ASIP: variants seen among roughly 807,000 people sequenced by gnomAD.
ASIP encodes agouti signaling protein.
In ASIP, 11 loss-of-function variants were observed where a neutral mutation model predicts 10.3. The observed-to-expected ratio is 1.07, with a 90% CI of 0.68 to 1.78. ASIP has a LOEUF of 1.78. Among genes scored for constraint, ASIP ranks in the 40% most tolerant of loss-of-function variants. ASIP has a pLI of 0.00. For synonymous variants in ASIP, 70 were observed against 70.8 expected, an observed-to-expected ratio of 0.99 and a Z score of 0.06; for missense variants, 180 against 169.2, an observed-to-expected ratio of 1.06 and a Z score of -0.35.
intron 1 of ASIP, among the ~76,000 whole-genome samples, chr20:34,209,122 C>T (rs1286901601): frequency 6.6e-6 from 1 of 152,216 alleles, no homozygotes; most frequent in Non-Finnish European, 1.5e-5. Flanking sequence ...TATAGTTGCT[C>T]TGGCTAGGAC....
intron 1 of ASIP, among the ~76,000 whole-genome samples, chr20:34,258,791 T>TA (rs2035634405): frequency 1.8e-5 from 2 of 112,784 alleles, no homozygotes; most frequent in Non-Finnish European, 3.5e-5. Flanking sequence ...ATATATATAG[T>TA]GTATATATAA....
At chr20:34,251,785 A>G (rs2035481048) in intron 1 of ASIP, among the ~76,000 whole-genome samples, 1 of 152,168 alleles carries the variant, frequency 6.6e-6, no homozygotes, top group South Asian at 2.1e-4. Context: ...TAGTGCCTTT[A>G]CAAAAGAGGC....
chr20:34,248,546 T>C (rs887092810), intron 1 of ASIP, among the ~76,000 whole-genome samples: 1 of 152,182 alleles, frequency 6.6e-6, no homozygotes, highest in African/African-American at 2.4e-5. Context: ...CTCACGCTTG[T>C]AATTCCAGCA....
chr20:34,217,437 C>CA (rs1474876033), intron 1 of ASIP, among the ~76,000 whole-genome samples: 1 of 150,478 alleles, frequency 6.6e-6, no homozygotes, highest in Non-Finnish European at 1.5e-5. Context: ...GACTCCAACT[C>CA]AAAAAAAGAA....
At chr20:34,255,097 T>C (rs955813496) in intron 1 of ASIP, among the ~76,000 whole-genome samples, 2 of 152,198 alleles carry the variant, frequency 1.3e-5, no homozygotes, top group Admixed American at 6.5e-5. Context: ...GCTGCTCTGA[T>C]GGTGAACTGA....
intron 1 of ASIP, among the ~76,000 whole-genome samples, chr20:34,257,352 TGGGATTATA>T (rs1568767991): frequency 6.6e-6 from 1 of 152,178 alleles, no homozygotes; most frequent in Non-Finnish European, 1.5e-5. Flanking sequence ...CCCAAAGTGC[TGGGATTATA>T]GGCGTGAGCC....
intron 1 of ASIP, among the ~76,000 whole-genome samples, chr20:34,245,126 G>A (rs565192851): frequency 6.6e-6 from 1 of 152,034 alleles, no homozygotes; most frequent in African/African-American, 2.4e-5. Flanking sequence ...ACGAGGTCAG[G>A]AGTTCGAGAC....
intron 1 of ASIP, among the ~76,000 whole-genome samples, chr20:34,252,678 C>G (rs956374164): frequency 6.6e-6 from 1 of 152,192 alleles, no homozygotes; most frequent in Non-Finnish European, 1.5e-5. Flanking sequence ...ACTACTCCCC[C>G]TCAGCACAGA....
chr20:34,198,014 C>T (rs1485807902), intron 1 of ASIP, among the ~76,000 whole-genome samples: 1 of 151,912 alleles, frequency 6.6e-6, no homozygotes, highest in African/African-American at 2.4e-5. Flanking sequence ...TGGGGTCAGA[C>T]CCTTGATGTT....
At chr20:34,209,754 G>C (rs2034961151) in intron 1 of ASIP, among the ~76,000 whole-genome samples, 1 of 152,222 alleles carries the variant, frequency 6.6e-6, no homozygotes, top group African/African-American at 2.4e-5. Context: ...GGGGCCGAGG[G>C]CAGCTTGGCA....
chr20:34,256,119 G>A (rs1272236740), intron 1 of ASIP, among the ~76,000 whole-genome samples: 1 of 152,230 alleles, frequency 6.6e-6, no homozygotes, highest in African/African-American at 2.4e-5. Context: ...TCTTTGAAAT[G>A]CATAGAAGAA....
chr20:34,218,963 C>T (rs1303829221), intron 1 of ASIP, among the ~76,000 whole-genome samples: 1 of 152,124 alleles, frequency 6.6e-6, no homozygotes, highest in Admixed American at 6.6e-5. Flanking sequence ...ACGCCTGGCC[C>T]CTTTTCAGCA....
Position 34,223,347 on chromosome 20 carries a change from C to A in ASIP, c.-11+28587C>A, listed in dbSNP as rs1439889672. Among the ~76,000 whole-genome samples the A allele has an allele frequency of 6.2e-3, 947 of 151,532 alleles. 4 individuals carry two copies. Among genetic ancestry groups the A allele is most frequent in the Middle Eastern group, 0.034 (10 of 290 alleles). On this transcript the variant is annotated intron_variant, in intron 1 of 3. Transcript: ENST00000568305. ...CCCGTCTGGGAGGTGAGGAGCGTCT[C>A]TGCCCAGCCGCCCCGTCTGAGAAGT...
chr20:34,188,619 T>C, the ASIP span, among the ~76,000 whole-genome samples: 1 of 152,242 alleles, frequency 6.6e-6, no homozygotes, highest in South Asian at 2.1e-4. Flanking sequence ...TAATTTTTTC[T>C]AGGATTATAT....
At position 34,223,317 on chromosome 20, in the gene ASIP, G is replaced by C. The variant is rs1172556984; in HGVS notation, c.-11+28557G>C. ...ATGTGAGGAGCGCCTCTGCCCGGCC[G>C]AGACCCCGTCTGGGAGGTGAGGAGC... On this transcript the variant is annotated intron_variant, in intron 1 of 3. Coordinates refer to the ASIP transcript ENST00000568305. Among the ~76,000 whole-genome samples the C allele has an allele frequency of 6.8e-5, 10 of 147,776 alleles. No individual in the cohort carries two copies. In the East Asian group the frequency reaches 8.2e-4, roughly 12 times the overall value.
At chr20:34,217,195 T>C (rs902431277) in intron 1 of ASIP, among the ~76,000 whole-genome samples, 2 of 151,970 alleles carry the variant, frequency 1.3e-5, no homozygotes, top group South Asian at 2.1e-4. Flanking sequence ...CCCAACACTT[T>C]GAGAGGCCAA....
At chr20:34,190,439 A>G (rs2034817884), upstream of ASIP, among the ~76,000 whole-genome samples, 1 of 151,908 alleles carries the variant, frequency 6.6e-6, no homozygotes, top group African/African-American at 2.4e-5. Context: ...CACTATTCCC[A>G]TTTTCCCTGG....
chr20:34,231,975 C>T (rs1420877772), intron 1 of ASIP, among the ~76,000 whole-genome samples: 1 of 152,192 alleles, frequency 6.6e-6, no homozygotes, highest in African/African-American at 2.4e-5. Context: ...AGATATGAGA[C>T]TCAGGTCAGA....
the ASIP span, among the ~76,000 whole-genome samples, chr20:34,189,317 A>T: frequency 6.6e-6 from 1 of 151,888 alleles, no homozygotes; most frequent in African/African-American, 2.4e-5. Flanking sequence ...ATCTCGGCTC[A>T]CCGCAACCTC....
Sources: allele counts gnomAD v4.1 joint callset (sites outside exome capture counted in the v4.1 genomes callset), GRCh38; gene constraint gnomAD v4.1.1; transcripts MANE v1.5; gene names NCBI Gene and HGNC (gene_info 2026-07-23, HGNC 2026-07-21).